Variants in DNAH17 observed in about 807,000 individuals in gnomAD.
The protein encoded by DNAH17 is dynein axonemal heavy chain 17, also known as axonemal beta dynein heavy chain 17.
In DNAH17, 376 loss-of-function variants were observed where a neutral mutation model predicts 485.6. The ratio of observed to expected loss-of-function variants is 0.77; its 90% confidence interval spans 0.71 to 0.84. DNAH17 has a LOEUF of 0.84. Ranked by LOEUF, DNAH17 falls within the 40% of genes least tolerant of loss-of-function variation. DNAH17 has a pLI of 0.00. For synonymous variants in DNAH17, 3,031 were observed against 2,405.9 expected (o/e 1.26, Z -7.60); for missense variants, 6,370 against 5,839.3 (o/e 1.09, Z -2.96).
At chr17:78,477,703 T>G (rs2089098992) in intron 51 of DNAH17, among the ~76,000 whole-genome samples, 1 of 152,068 alleles carries the variant, frequency 6.6e-6, no homozygotes, top group Non-Finnish European at 1.5e-5. Flanking sequence ...TGGGAGGAGG[T>G]GGGCATAACT....
rs2086894718 is a variant in DNAH17 at position 78,437,674 on chromosome 17, G to A, written c.12000C>T (p.Ala4000=). The change falls in exon 74 of 81, where the codon GCC becomes GCT. Residue 4000 remains alanine, a synonymous_variant. Coordinates refer to ENST00000389840, the MANE Select transcript of DNAH17 (RefSeq NM_173628.4). The stretch of plus-strand genomic sequence containing the variant: ...ACAGGTCCAGGGCCTTGTGCAAGTT[G>A]GCGTGCATGCCCGTGGGGGGCTCGT... ...ITNEPPTGMH[A]NLHKALDLFT... The A allele has an allele frequency of 6.2e-6, 10 of 1,611,470 alleles. No homozygotes were observed. Among genetic ancestry groups the A allele is most frequent in the Non-Finnish European group, 8.5e-6 (10 of 1,179,148 alleles).
rs556866205 is a variant in DNAH17, at chr17:78,432,534, A to G, written c.12225+1495T>C. On this transcript the variant is annotated intron_variant, in intron 75 of 80. Coordinates refer to ENST00000389840, the MANE Select transcript of DNAH17 (RefSeq NM_173628.4). ...GCCTCCCAGGGAACTAAGCATACCA[A>G]GTTCCAGGCCCAGCCTTCGCCAGCA... Among the ~76,000 whole-genome samples, 4 of 152,312 alleles carry G rather than the reference A, an allele frequency of 2.6e-5. No homozygotes were observed. In the East Asian group the frequency reaches 5.8e-4, roughly 22 times the overall value.
chr17:78,461,943 G>A (rs544656327), intron 57 of DNAH17, among the ~76,000 whole-genome samples: 27 of 152,170 alleles, frequency 1.8e-4, no homozygotes, highest in East Asian at 5.8e-4. Context: ...AAAGGAGTTG[G>A]CAAGGTGACT....
chr17:78,427,492 T>A (rs777962687), intron 77 of DNAH17, among the ~76,000 whole-genome samples: 5 of 152,184 alleles, frequency 3.3e-5, no homozygotes, highest in Non-Finnish European at 7.4e-5. Flanking sequence ...CACACCCTGT[T>A]AAGGAGTGGC....
rs370246152 is a variant in DNAH17 at position 78,567,095 on chromosome 17, G to A, written c.1356C>T (p.Leu452=). The A allele has an allele frequency of 8.1e-6, 13 of 1,613,026 alleles. No individual in the cohort carries two copies. The highest frequency in any genetic ancestry group is 6.7e-5 in the African/African-American group (5 of 74,886). ...KIELGGVRGN[L]LGSLVTRIYD... ...AGATACGGGTCACCAGGCTCCCGAG[G>A]AGGTTCCCACGCACGCCCCCAAGCT... The change falls in exon 10 of 81, where the codon CTC becomes CTT. Residue 452 remains leucine, a synonymous_variant. Coordinates refer to ENST00000389840, the MANE Select transcript of DNAH17 (RefSeq NM_173628.4).
chr17:78,429,281 C>T lies in DNAH17; in HGVS notation c.12245G>A (p.Arg4082His), dbSNP rs750864747. The change falls in exon 76 of 81, where the codon CGC (arginine) becomes CAC (histidine). Residue 4082 changes from arginine (R) to histidine (H), a missense_variant. Arg to His is a conservative substitution (Grantham distance 29). Transcript: ENST00000389840. ...ANPKVPWDDL[R>H]YLFGEIMYGG... ...ATACATGATTTCACCAAAAAGGTAG[C>T]GGAGATCGTCCCAGGGCACCTGAGG... The T allele has an allele frequency of 2.3e-5, 37 of 1,613,678 alleles. No individual in the cohort carries two copies. The highest frequency in any genetic ancestry group is 2.7e-5 in the Non-Finnish European group (32 of 1,179,832).
Position 78,476,574 on chromosome 17 carries a change from C to A in DNAH17, c.8152G>T (p.Asp2718Tyr). ...VTMASTKKFF[D>Y]DLGDELLFAK... is the part of the protein sequence containing the mutation. ...AGGGACTGGGCAGCTTGACTTACAT[C>A]AAAGAACTTCTTGGTGGAGGCCATG... Residue 2718 changes from aspartate to tyrosine, a missense_variant and splice_region_variant, in exon 52 of 81, where the codon GAT (aspartate) becomes TAT (tyrosine). Asp to Tyr is a radical substitution (Grantham distance 160). Transcript: ENST00000389840. 2.5e-6 allele frequency: 4 copies of A among 1,608,940 alleles called. No homozygotes were observed. The highest frequency in any genetic ancestry group is 3.4e-6 in the Non-Finnish European group (4 of 1,177,658).
chr17:78,531,368 C>T (rs1321837908), intron 20 of DNAH17, among the ~76,000 whole-genome samples: 1 of 118,232 alleles, frequency 8.5e-6, no homozygotes, highest in Non-Finnish European at 1.6e-5. Flanking sequence ...GAGATGGAGT[C>T]TTGCTCTGTC....
intron 77 of DNAH17, chr17:78,428,288 A>G: frequency 1.7e-6 from 1 of 572,860 alleles, no homozygotes; most frequent in East Asian, 3.0e-5. Flanking sequence ...CCACACCCCC[A>G]AGGATCCCTT....
chr17:78,528,043 T>G (rs2091124155), intron 22 of DNAH17, among the ~76,000 whole-genome samples: 1 of 151,882 alleles, frequency 6.6e-6, no homozygotes, highest in South Asian at 2.1e-4. Context: ...CCTCCCAAAG[T>G]GCTGAAATTA....
rs779925195 is a variant in DNAH17, at chr17:78,485,634, C to T, written c.7399G>A (p.Asp2467Asn). The T allele has an allele frequency of 1.9e-6, 3 of 1,613,690 alleles. No individual in the cohort carries two copies. Among genetic ancestry groups the T allele is most frequent in the African/African-American group, 1.3e-5 (1 of 74,922 alleles). ...AGTGKSVLMG[D>N]KLESLNTDNY... ...TCCGTGTTCAGGCTTTCCAGCTTGT[C>T]CCCCATCAGCACCGACTTGCCCGTC... is the stretch of plus-strand genomic sequence containing the variant. The change falls in exon 47 of 81, where the codon GAC becomes AAC. Residue 2467 changes from aspartate (D) to asparagine (N), a missense_variant. Asp to Asn is a conservative substitution (Grantham distance 23). Coordinates refer to ENST00000389840, the MANE Select transcript of DNAH17 (RefSeq NM_173628.4).
intron 30 of DNAH17, among the ~76,000 whole-genome samples, chr17:78,506,140 ATTTTTT>A (rs66859821): frequency 6.2e-5 from 8 of 128,286 alleles, no homozygotes; most frequent in Admixed American, 4.0e-4. Context: ...CACCTAGTTA[ATTTTTT>A]TTTTTTTTTT....
At chr17:78,542,125 C>G (rs1013179363) in intron 17 of DNAH17, among the ~76,000 whole-genome samples, 3 of 148,076 alleles carry the variant, frequency 2.0e-5, no homozygotes, top group Non-Finnish European at 4.5e-5. Context: ...CCGCCCCCCC[C>G]AAAAACTGCC....
intron 54 of DNAH17, among the ~76,000 whole-genome samples, chr17:78,470,919 TAAATG>T (rs914203448): frequency 6.6e-6 from 1 of 152,142 alleles, no homozygotes; most frequent in African/African-American, 2.4e-5. Context: ...TTTGCAAGAA[TAAATG>T]AAAAGTTTTT....
At chr17:78,504,131 T>A (rs1040408608) in intron 31 of DNAH17, among the ~76,000 whole-genome samples, 6 of 151,406 alleles carry the variant, frequency 4.0e-5, no homozygotes, top group Admixed American at 6.6e-5. Flanking sequence ...AGTGGCGTGA[T>A]CTCGGCTCAC....
At chr17:78,550,546 G>A (rs994181941) in intron 16 of DNAH17, among the ~76,000 whole-genome samples, 27 of 152,222 alleles carry the variant, frequency 1.8e-4, no homozygotes, top group Admixed American at 1.5e-3. Flanking sequence ...AGGAGATGAG[G>A]ACACAGACAC....
intron 33 of DNAH17, 136 bp from the exon 34 acceptor site, chr17:78,502,009 C>T (rs1227940525): frequency 8.4e-5 from 107 of 1,276,960 alleles, no homozygotes; most frequent in Middle Eastern, 1.9e-4. Flanking sequence ...AGAGCGCCCT[C>T]GGTAGGCCCC....
chr17:78,456,639 C>T (rs747288604), intron 62 of DNAH17, among the ~76,000 whole-genome samples: 1 of 152,236 alleles, frequency 6.6e-6, no homozygotes, highest in Admixed American at 6.5e-5. Context: ...TGGTCCCTAA[C>T]CCTCAGAGGC....
chr17:78,433,927 AGGAGGGAGGGAAGGAGGGAG>A, intron 75 of DNAH17, 82 bp downstream of exon 75: 2 of 791,234 alleles, frequency 2.5e-6, no homozygotes, highest in Non-Finnish European at 3.6e-6. Context: ...GAGGGAAGGA[AGGAGGGAGGGAAGGAGGGAG>A]GGAAGGAGGG....
Sources: allele counts gnomAD v4.1 joint callset (sites outside exome capture counted in the v4.1 genomes callset), GRCh38; gene constraint gnomAD v4.1.1; transcripts MANE v1.5; gene names NCBI Gene and HGNC (gene_info 2026-07-23, HGNC 2026-07-21).